Variants in LAMA1 observed in about 807,000 individuals in gnomAD.
LAMA1 encodes the protein laminin subunit alpha-1.
LAMA1 carries 219 observed loss-of-function variants against 348.7 expected under a neutral mutation model. The ratio of observed to expected loss-of-function variants is 0.63; its 90% CI spans 0.56 to 0.70. The LOEUF (loss-of-function observed/expected upper bound fraction) is 0.70, where lower values mean the gene tolerates loss of function less well. Ranked by LOEUF, LAMA1 falls within the 30% of genes least tolerant of loss-of-function variation. The pLI is 0.00. For missense variants in LAMA1, 3,744 were observed against 3,888.0 expected (o/e 0.96, Z 0.99); for synonymous variants, 1,487 against 1,491.0 (o/e 1.00, Z 0.06).
chr18:6,964,753 G>C lies in LAMA1; in HGVS notation c.7246C>G (p.Gln2416Glu). The C allele has an allele frequency of 6.2e-7, 1 of 1,614,088 alleles. No homozygotes were observed. The highest frequency in any genetic ancestry group is 8.5e-7 in the Non-Finnish European group (1 of 1,180,022). Residue 2416 changes from glutamine to glutamate, a missense_variant, in exon 51 of 63, where the codon CAG becomes GAG. Physicochemically the swap from Gln to Glu is conservative, Grantham distance 29 (BLOSUM62 2). Transcript: ENST00000389658. ...GAAGATGCTCCCGGAGTCTCGCCCT[G>C]CTTGGTTTCTTTATTACTGGTGTTA... is the stretch of plus-strand genomic sequence containing the variant. Reference protein sequence around the residue: ...AYNTSNKETKQGETPGASSDL... With the variant: ...AYNTSNKETKEGETPGASSDL...
At chr18:6,980,776 A>G in intron 41 of LAMA1, 139 bp from the exon 42 acceptor site, 1 of 640,460 alleles carries the variant, frequency 1.6e-6, no homozygotes, top group Non-Finnish European at 2.8e-6. Flanking sequence ...TTTTCCAGCA[A>G]GACTGAGCAC....
intron 9 of LAMA1, among the ~76,000 whole-genome samples, chr18:7,040,548 G>C (rs1256764686): frequency 6.6e-6 from 1 of 152,218 alleles, no homozygotes; most frequent in East Asian, 1.9e-4. Context: ...AACCCGTGGA[G>C]GGAGCTGGGA....
chr18:7,079,713 T>C (rs1237889365), intron 3 of LAMA1: 1 of 497,256 alleles, frequency 2.0e-6, no homozygotes, highest in Admixed American at 3.2e-5. Flanking sequence ...GATGGATGAG[T>C]GTGCCCTGTT....
At chr18:7,067,742 T>C (rs1477175837) in intron 3 of LAMA1, among the ~76,000 whole-genome samples, 1 of 152,234 alleles carries the variant, frequency 6.6e-6, no homozygotes, top group Non-Finnish European at 1.5e-5. Context: ...ATGTACTATG[T>C]CAGCTCCACA....
chr18:7,010,110 C>A, intron 26 of LAMA1, 90 bp downstream of exon 26: 1 of 1,475,502 alleles, frequency 6.8e-7, no homozygotes, highest in Middle Eastern at 2.1e-4. Context: ...CCTGGCTGCT[C>A]ATTCTCTTAT....
chr18:7,038,704 G>A, intron 11 of LAMA1, 106 bp downstream of exon 11: 1 of 1,428,810 alleles, frequency 7.0e-7, no homozygotes, highest in Non-Finnish European at 9.8e-7. Context: ...AGCGATGAGA[G>A]TGGTGTCACG....
At chr18:6,992,266 G>A (rs2057762172) in intron 36 of LAMA1, among the ~76,000 whole-genome samples, 1 of 152,162 alleles carries the variant, frequency 6.6e-6, no homozygotes, top group Non-Finnish European at 1.5e-5. Flanking sequence ...ACAGTACCAT[G>A]AGGCTATGCT....
chr18:7,043,308 T>G lies in LAMA1; in HGVS notation c.1074A>C (p.Gly358=). Residue 358 remains glycine, a synonymous_variant, in exon 8 of 63, where the codon GGA becomes GGC. Transcript: ENST00000389658. The part of the protein sequence containing the change: ...SLNTAGQFRG[G]GVCINCLQNT... ...TCTGCAAGCAATTTATGCAAACCCCTCCTCCTCTGAACTGTCCAGCAGTAT... is the reference window on the plus strand; with the variant it reads ...TCTGCAAGCAATTTATGCAAACCCCGCCTCCTCTGAACTGTCCAGCAGTAT... 3 of 1,614,080 alleles carry G rather than the reference T, an allele frequency of 1.9e-6. No individual in the cohort carries two copies. Among genetic ancestry groups the G allele is most frequent in the Non-Finnish European group, 2.5e-6 (3 of 1,179,988 alleles).
intron 62 of LAMA1, 115 bp downstream of exon 62, chr18:6,943,065 G>T: frequency 1.1e-6 from 1 of 872,514 alleles, no homozygotes; most frequent in South Asian, 1.4e-5. Flanking sequence ...AATGGTAAAG[G>T]ATTTGTCACC....
intron 56 of LAMA1, chr18:6,956,173 C>G (rs1187342427): frequency 8.8e-6 from 3 of 342,426 alleles, no homozygotes; most frequent in South Asian, 4.6e-5. Flanking sequence ...ACCAGGGAAA[C>G]AGAGAAAGCA....
chr18:7,000,440 A>C (rs2057802640), intron 30 of LAMA1, among the ~76,000 whole-genome samples: 1 of 152,252 alleles, frequency 6.6e-6, no homozygotes, highest in African/African-American at 2.4e-5. Flanking sequence ...CTGTAACGAA[A>C]GGCGAGGAAG....
rs371914946 is a variant in LAMA1 at position 6,951,720 on chromosome 18, G to A, written c.8208-749C>T. On this transcript the variant is annotated intron_variant, in intron 57 of 62. Transcript: ENST00000389658. ...ACGACAGCCAACGGGAGGGAGTCGG[G>A]TGGCTTAGACCAGGGTGGCGGTGGG... 2.2e-4 allele frequency among the ~76,000 whole-genome samples: 34 copies of A among 152,324 alleles called. No individual in the cohort carries two copies. In the East Asian group the frequency reaches 3.1e-3, roughly 14 times the overall value.
At chr18:6,988,675 T>C (rs912478681) in intron 36 of LAMA1, among the ~76,000 whole-genome samples, 22 of 151,810 alleles carry the variant, frequency 1.4e-4, no homozygotes, top group Non-Finnish European at 1.3e-4. Context: ...GGCATGATGG[T>C]AGGTGCCCGT....
In LAMA1 at chr18:7,074,967, C is replaced by CAAAAAAAAAAA. The variant is rs773818069; in HGVS notation, c.345+4997_345+5007dup. Among the ~76,000 whole-genome samples, 19 of 52,268 alleles carry CAAAAAAAAAAA rather than the reference C, an allele frequency of 3.6e-4. 2 individuals carry two copies. The highest frequency in any genetic ancestry group is 5.6e-4 in the Non-Finnish European group (17 of 30,290). 34.3% of individuals were successfully genotyped at this position (52,268 alleles called of 152,430 possible). A position where few individuals can be genotyped will look rare whatever the true frequency, so the allele number is the denominator to read the frequency against. On this transcript the variant is annotated intron_variant, in intron 3 of 62. Coordinates refer to ENST00000389658, the MANE Select transcript of LAMA1 (RefSeq NM_005559.4). ...GATAACCAAACCTAATACATAGAGG[C>CAAAAAAAAAAA]AAAAAAAAAAAAAAAAAAAAAAAAA...
chr18:7,002,274 G>A lies in LAMA1; in HGVS notation c.4372C>T (p.Pro1458Ser). ...CCTGTGGGGACTCACCTGGCAGGAG[G>A]GCTGTGAGGACAGGCACACAGAGCA... ...DCALCACPHSPPASFSPTCVL... is the reference protein window; with the variant it reads ...DCALCACPHSSPASFSPTCVL... The change falls in exon 30 of 63, where the codon CCT (proline) becomes TCT (serine). Residue 1458 changes from proline to serine, a missense_variant. Coordinates refer to ENST00000389658, the MANE Select transcript of LAMA1 (RefSeq NM_005559.4). The A allele has an allele frequency of 1.2e-6, 2 of 1,612,214 alleles. No homozygotes were observed. Among genetic ancestry groups the A allele is most frequent in the South Asian group, 1.1e-5 (1 of 91,074 alleles).
At chr18:7,021,802 A>ATT (rs1388866960) in intron 19 of LAMA1, among the ~76,000 whole-genome samples, 2 of 72,882 alleles carry the variant, frequency 2.7e-5, no homozygotes, top group African/African-American at 1.1e-4. Flanking sequence ...ATAATAATAT[A>ATT]TTATATTATA....
At chr18:7,105,487 A>G (rs1188618202) in intron 1 of LAMA1, among the ~76,000 whole-genome samples, 1 of 150,312 alleles carries the variant, frequency 6.7e-6, no homozygotes, top group African/African-American at 2.5e-5. Flanking sequence ...TAAACAAACA[A>G]GAGCAGAAGA....
At chr18:7,088,101 G>A (rs1240022875) in intron 1 of LAMA1, among the ~76,000 whole-genome samples, 1 of 152,118 alleles carries the variant, frequency 6.6e-6, no homozygotes, top group Non-Finnish European at 1.5e-5. Flanking sequence ...CGAAATAGAA[G>A]AAATACTCTT....
chr18:6,956,325 A>C (rs1047865741), intron 56 of LAMA1: 1 of 477,464 alleles, frequency 2.1e-6, no homozygotes, highest in Non-Finnish European at 3.9e-6. Context: ...ACTTATTTTC[A>C]TGCTTTCCTG....
Sources: gnomAD v4.1 joint callset for allele counts (sites outside exome capture counted in the v4.1 genomes callset) on GRCh38, gnomAD v4.1.1 for gene constraint, MANE v1.5 for transcripts, NCBI Gene and HGNC (gene_info 2026-07-23, HGNC 2026-07-21) for gene names.